Variants in DSN1 observed in about 807,000 individuals in gnomAD.
DSN1 encodes the protein DSN1 component of MIS12 kinetochore complex.
Under a neutral mutation model 45.7 loss-of-function variants are expected in DSN1, and 31 were observed. That is an observed-to-expected ratio of 0.68 (90% CI 0.51 to 0.92). The LOEUF (loss-of-function observed/expected upper bound fraction) is 0.92, where lower values mean the gene tolerates loss of function less well. Among genes scored for constraint, DSN1 ranks in the 40% least tolerant of loss-of-function variants. DSN1 has a pLI of 0.00. For synonymous variants in DSN1, 134 were observed against 142.3 expected (o/e 0.94, Z 0.41); for missense variants, 394 against 414.2 (o/e 0.95, Z 0.42).
chr20:36,764,176 A>G (rs1398077905), intron 5 of DSN1, among the ~76,000 whole-genome samples: 1 of 151,786 alleles, frequency 6.6e-6, no homozygotes, highest in African/African-American at 2.4e-5. Context: ...AACTGTGATC[A>G]TGCCAGTGTA....
rs145200287 is a variant in DSN1, at chr20:36,767,578, C to G, written c.429+391G>C. Among the ~76,000 whole-genome samples the G allele has an allele frequency of 2.5e-3, 379 of 151,962 alleles. 2 individuals carry two copies. Among genetic ancestry groups the G allele is most frequent in the African/African-American group, 8.9e-3 (367 of 41,456 alleles). On this transcript the variant is annotated intron_variant, in intron 4 of 10. Coordinates refer to ENST00000373750, the MANE Select transcript of DSN1 (RefSeq NM_001145315.2). ...CTCAGGCATTCAAGACCAGCCTGGG[C>G]AACATGGTGAAACCCCGTCTCAACT...
At chr20:36,758,673 T>G in intron 6 of DSN1, 56 bp from the exon 7 acceptor site, 2 of 1,471,954 alleles carry the variant, frequency 1.4e-6, no homozygotes, top group Non-Finnish European at 1.9e-6. Context: ...TGCTTTAATA[T>G]AATCGCTTAT....
intron 6 of DSN1, among the ~76,000 whole-genome samples, chr20:36,761,301 A>G (rs1431833276): frequency 2.6e-5 from 4 of 152,176 alleles, no homozygotes; most frequent in African/African-American, 4.8e-5. Flanking sequence ...AGTCATGATT[A>G]TATTTACTGA....
chr20:36,766,798 C>T lies in DSN1; in HGVS notation c.473G>A (p.Gly158Asp), dbSNP rs754260184. 22 of 1,609,562 alleles carry T rather than the reference C, an allele frequency of 1.4e-5. 1 individual carries two copies. The South Asian group carries it at 2.4e-4, about 18-fold the overall frequency. ...GGCTCTAAAACTTTCAAGACTGAAG[C>T]CCTTAGTGTCCCTTAGGAAAGGTTC... ...KLEPFLRDTK[G>D]FSLESFRAKA... is the part of the protein sequence containing the mutation. Residue 158 changes from glycine to aspartate, a missense_variant, in exon 5 of 11, where the codon GGC becomes GAC. Transcript: ENST00000373750.
At position 36,771,044 on chromosome 20, in the gene DSN1, C is replaced by A. The variant is rs771230401; in HGVS notation, c.184G>T (p.Gly62Trp). 3 of 1,614,156 alleles carry A rather than the reference C, an allele frequency of 1.9e-6. No individual in the cohort carries two copies. The highest frequency in any genetic ancestry group is 1.7e-5 in the Admixed American group (1 of 60,012). ...RIHLGSSPKK[G>W]GNCDLSHQER... ...TGGTGGCTGAGATCACAATTTCCCC[C>A]TTTTTTAGGGCTAGAGCCAAGGTGA... The change falls in exon 3 of 11, where the codon GGG becomes TGG. Residue 62 changes from glycine to tryptophan, a missense_variant. Gly to Trp is a radical substitution (Grantham distance 184, BLOSUM62 -2). Coordinates refer to ENST00000373750, the MANE Select transcript of DSN1 (RefSeq NM_001145315.2).
Position 36,755,580 on chromosome 20 carries a change from T to C in DSN1, c.873+102A>G, listed in dbSNP as rs1247103808. The C allele has an allele frequency of 2.1e-5, 29 of 1,370,480 alleles. No homozygotes were observed. The East Asian group carries it at 6.1e-4, about 29-fold the overall frequency. 84.9% of individuals were successfully genotyped at this position (1,370,480 alleles called of 1,614,324 possible). The stretch of plus-strand genomic sequence containing the variant: ...TTCCTAAGGTAGAGTTGAATATACA[T>C]ATTCAACTTACACTTATACATTTCT... On this transcript the variant is annotated intron_variant, in intron 9 of 10. Coordinates refer to ENST00000373750, the MANE Select transcript of DSN1 (RefSeq NM_001145315.2).
In DSN1 at chr20:36,758,173, A is replaced by G. The variant is rs780201837; in HGVS notation, c.651-12T>C. 1 of 1,612,066 alleles carries G rather than the reference A, an allele frequency of 6.2e-7. No individual in the cohort carries two copies. Among genetic ancestry groups the G allele is most frequent in the African/African-American group, 1.3e-5 (1 of 75,004 alleles). On this transcript the variant is annotated splice_polypyrimidine_tract_variant and intron_variant, in intron 7 of 10. Coordinates refer to ENST00000373750, the MANE Select transcript of DSN1 (RefSeq NM_001145315.2). ...GTTCTAAAGAAAACCTGTAAGAATC[A>G]GGAAAAAAAGTTCAGTTAATTTTTA...
At chr20:36,773,468 G>A in intron 1 of DSN1, 194 bp downstream of exon 1, 1 of 985,646 alleles carries the variant, frequency 1.0e-6, no homozygotes, top group Non-Finnish European at 1.2e-6. Context: ...ACTGCCCTCG[G>A]GTTTCATTTC....
chr20:36,766,879 A>C, intron 4 of DSN1, 38 bp from the exon 5 acceptor site: 1 of 1,475,782 alleles, frequency 6.8e-7, no homozygotes. Context: ...AACCACCAAA[A>C]ACTTCCAGGC....
intron 1 of DSN1, among the ~76,000 whole-genome samples, chr20:36,772,949 C>T (rs1314969116): frequency 6.6e-6 from 1 of 152,236 alleles, no homozygotes; most frequent in African/African-American, 2.4e-5. Context: ...ACCTAGGCAT[C>T]TCTTCATCGT....
chr20:36,771,298 TAAAG>T, intron 2 of DSN1, 105 bp from the exon 3 acceptor site: 4 of 1,480,688 alleles, frequency 2.7e-6, no homozygotes, highest in Non-Finnish European at 3.7e-6. Flanking sequence ...CGTGGAAACA[TAAAG>T]AAAGCATCTC....
rs1334344329 is a variant in DSN1 at position 36,755,670 on chromosome 20, G to A, written c.873+12C>T. ...CTGGATAACTCAACTAAATAAACAT[G>A]AGCCCACTTACCACCAACTCCATAC... is the stretch of plus-strand genomic sequence containing the variant. On this transcript the variant is annotated intron_variant, in intron 9 of 10. Transcript: ENST00000373750. 6.2e-6 allele frequency: 10 copies of A among 1,607,916 alleles called. No homozygotes were observed. The highest frequency in any genetic ancestry group is 4.0e-5 in the African/African-American group (3 of 74,550).
At chr20:36,755,649 ATAACTCAAC>A in intron 9 of DSN1, 24 bp downstream of exon 9, 2 of 1,600,036 alleles carry the variant, frequency 1.2e-6, no homozygotes, top group South Asian at 2.2e-5. Context: ...GCAAAGCTGG[ATAACTCAAC>A]TAAATAAACA....
chr20:36,762,756 T>C (rs1436645323), intron 5 of DSN1, among the ~76,000 whole-genome samples: 1 of 152,124 alleles, frequency 6.6e-6, no homozygotes, highest in African/African-American at 2.4e-5. Flanking sequence ...ACAACTCATT[T>C]TTATCTATTT....
At chr20:36,759,171 C>T (rs1285230287) in intron 6 of DSN1, among the ~76,000 whole-genome samples, 1 of 151,054 alleles carries the variant, frequency 6.6e-6, no homozygotes, top group Non-Finnish European at 1.5e-5. Flanking sequence ...TTAGTAGAGA[C>T]GGGGTTTCAC....
At chr20:36,761,145 C>G (rs1986958027) in intron 6 of DSN1, among the ~76,000 whole-genome samples, 1 of 152,038 alleles carries the variant, frequency 6.6e-6, no homozygotes, top group Admixed American at 6.6e-5. Context: ...TGGCTCTTGG[C>G]AAGGTAGCAA....
At position 36,766,839 on chromosome 20, in the gene DSN1, G is replaced by A. The variant is rs1047687586; in HGVS notation, c.432C>T (p.Phe144=). ...LGCLLLSSFQ[F]SIQKLEPFLR... is the part of the protein sequence containing the mutation. ...GGAAAGGTTCAAGTTTCTGAATAGA[G>A]AACTAAATAAAGAAAAGCATTTTTA... The change falls in exon 5 of 11, where the codon TTC becomes TTT. Residue 144 remains phenylalanine (F), a splice_region_variant and synonymous_variant. Transcript: ENST00000373750. 4.4e-6 allele frequency: 7 copies of A among 1,594,184 alleles called. No individual in the cohort carries two copies. The African/African-American group carries it at 9.5e-5, about 22-fold the overall frequency.
intron 10 of DSN1, among the ~76,000 whole-genome samples, chr20:36,754,341 C>G (rs1349117378): frequency 6.6e-6 from 1 of 151,576 alleles, no homozygotes; most frequent in Admixed American, 6.6e-5. Flanking sequence ...ACTTTGCCCC[C>G]CCAGCCCAAA....
intron 1 of DSN1, among the ~76,000 whole-genome samples, chr20:36,772,601 TCAGA>T (rs1427622750): frequency 2.0e-5 from 3 of 152,240 alleles, no homozygotes; most frequent in African/African-American, 7.2e-5. Context: ...AGTCTATTCT[TCAGA>T]CAGTTGCCGG....
Sources: gnomAD v4.1 joint callset for allele counts (sites outside exome capture counted in the v4.1 genomes callset) on GRCh38, gnomAD v4.1.1 for gene constraint, MANE v1.5 for transcripts, NCBI Gene and HGNC (gene_info 2026-07-23, HGNC 2026-07-21) for gene names.